Variants in WASF3 observed in about 807,000 individuals in gnomAD.
WASF3 encodes the protein actin-binding protein WASF3.
In WASF3, 11 loss-of-function variants were observed where a neutral mutation model predicts 46.6. That is an observed-to-expected ratio of 0.24 (90% CI 0.15 to 0.39). WASF3 has a LOEUF of 0.39. Among genes scored for constraint, WASF3 ranks in the 10% least tolerant of loss-of-function variants. The pLI is 1.00. For missense variants in WASF3, 576 were observed against 669.8 expected (o/e 0.86, Z 1.55); for synonymous variants, 242 against 259.7 (o/e 0.93, Z 0.65).
chr13:26,566,103 G>C (rs948697376), intron 1 of WASF3, among the ~76,000 whole-genome samples: 1 of 152,094 alleles, frequency 6.6e-6, no homozygotes, highest in African/African-American at 2.4e-5. Flanking sequence ...AGGCTATTTT[G>C]TTTCTGATGA....
chr13:26,595,713 C>A (rs552937764), intron 1 of WASF3, among the ~76,000 whole-genome samples: 13 of 152,312 alleles, frequency 8.5e-5, no homozygotes, highest in African/African-American at 3.1e-4. Context: ...TTAGTTGTAT[C>A]ATTTTCAGAA....
intron 3 of WASF3, among the ~76,000 whole-genome samples, chr13:26,642,886 A>G (rs1882040776): frequency 6.6e-6 from 1 of 152,176 alleles, no homozygotes. Flanking sequence ...AAGCCAAACA[A>G]TAGATTTGCT....
At chr13:26,646,219 C>T (rs1310206962) in intron 3 of WASF3, among the ~76,000 whole-genome samples, 2 of 152,048 alleles carry the variant, frequency 1.3e-5, no homozygotes, top group Non-Finnish European at 2.9e-5. Context: ...TAATATATTA[C>T]AGGGGATGAG....
intron 2 of WASF3, among the ~76,000 whole-genome samples, chr13:26,618,468 C>T (rs1881206491): frequency 6.6e-6 from 1 of 151,912 alleles, no homozygotes; most frequent in Non-Finnish European, 1.5e-5. Context: ...CTCGCTCTCT[C>T]TCTCTCCCCA....
chr13:26,564,871 T>C (rs1246453966), intron 1 of WASF3, among the ~76,000 whole-genome samples: 1 of 150,730 alleles, frequency 6.6e-6, no homozygotes, highest in Non-Finnish European at 1.5e-5. Context: ...TTTTCCAACT[T>C]CTCAAAATAT....
chr13:26,550,189 T>C, the WASF3 span, among the ~76,000 whole-genome samples: 1 of 152,242 alleles, frequency 6.6e-6, no homozygotes, highest in Non-Finnish European at 1.5e-5. Context: ...GGAGGGTCTA[T>C]ATGCTACATC....
At chr13:26,661,669 G>T (rs1390629792) in intron 3 of WASF3, among the ~76,000 whole-genome samples, 1 of 152,068 alleles carries the variant, frequency 6.6e-6, no homozygotes, top group Non-Finnish European at 1.5e-5. Context: ...TTAATTTTGG[G>T]GGGAACCACC....
intron 2 of WASF3, chr13:26,638,690 T>G (rs963509410): frequency 5.3e-5 from 8 of 152,204 alleles, no homozygotes; most frequent in African/African-American, 1.9e-4. Flanking sequence ...CAAAACTGAG[T>G]TAGTGTTAGA....
chr13:26,638,461 T>A (rs1881896032), intron 2 of WASF3: 1 of 152,226 alleles, frequency 6.6e-6, no homozygotes, highest in South Asian at 2.1e-4. Flanking sequence ...TTATTAGCAA[T>A]CATTGTTTTA....
Position 26,676,767 on chromosome 13 carries a change from A to G in WASF3, c.716+43A>G, listed in dbSNP as rs750107980. The G allele has an allele frequency of 4.5e-6, 7 of 1,558,010 alleles. No homozygotes were observed. In the East Asian group the frequency reaches 9.2e-5, roughly 21 times the overall value. On this transcript the variant is annotated intron_variant, in intron 7 of 9. Coordinates refer to ENST00000335327, the MANE Select transcript of WASF3 (RefSeq NM_006646.6). ...CTCCCTCAGCCCTGATGCTTGGGCA[A>G]CTGGGTACTACCTGGTTTTATTATC... is the stretch of plus-strand genomic sequence containing the variant.
chr13:26,664,964 A>G, intron 3 of WASF3, 64 bp from the exon 4 acceptor site: 7 of 1,548,906 alleles, frequency 4.5e-6, no homozygotes, highest in Non-Finnish European at 6.2e-6. Context: ...ACTGGTGAGG[A>G]TGTGTGAGGG....
At chr13:26,681,457 C>A in intron 8 of WASF3, 137 bp downstream of exon 8, 1 of 1,059,508 alleles carries the variant, frequency 9.4e-7, no homozygotes, top group Non-Finnish European at 1.3e-6. Context: ...ATACTAGCAA[C>A]TCTAACATTC....
At chr13:26,641,781 A>G (rs780479226) in intron 2 of WASF3, among the ~76,000 whole-genome samples, 4 of 152,218 alleles carry the variant, frequency 2.6e-5, no homozygotes, top group Admixed American at 6.5e-5. Context: ...AGCAATTCAG[A>G]TAAGACAAAT....
intron 2 of WASF3, among the ~76,000 whole-genome samples, chr13:26,636,680 A>G (rs892759879): frequency 2.0e-5 from 3 of 152,126 alleles, no homozygotes; most frequent in Non-Finnish European, 4.4e-5. Context: ...TACCACCAAT[A>G]TCTCTGCTGG....
chr13:26,576,995 C>G (rs1201099125), intron 1 of WASF3: 1 of 712,812 alleles, frequency 1.4e-6, no homozygotes, highest in Non-Finnish European at 2.5e-6. Flanking sequence ...AAAGCACCTT[C>G]TGTGTTCAAT....
intron 2 of WASF3, among the ~76,000 whole-genome samples, chr13:26,641,522 A>T (rs1225245715): frequency 6.6e-6 from 1 of 152,170 alleles, no homozygotes; most frequent in East Asian, 1.9e-4. Context: ...GGAGATGGAG[A>T]TAAGCCTCAA....
chr13:26,577,463 G>A, intron 1 of WASF3: 1 of 894,062 alleles, frequency 1.1e-6, no homozygotes, highest in African/African-American at 1.6e-5. Context: ...AGACAGCATT[G>A]GAAAAGACAT....
At chr13:26,681,004 A>C in intron 7 of WASF3, 50 bp from the exon 8 acceptor site, 1 of 1,562,888 alleles carries the variant, frequency 6.4e-7, no homozygotes, top group Non-Finnish European at 8.7e-7. Flanking sequence ...GTTAGCCGAC[A>C]ATTTTTAAAT....
At chr13:26,599,184 C>CTTTT (rs57148941) in intron 1 of WASF3, among the ~76,000 whole-genome samples, 33,385 of 118,056 alleles carry the variant, frequency 0.28, 6,169 homozygotes, top group East Asian at 0.6. Flanking sequence ...CTTTTCATTT[C>CTTTT]TTTTTTTTTT....
Sources: allele counts gnomAD v4.1 joint callset (sites outside exome capture counted in the v4.1 genomes callset), GRCh38; gene constraint gnomAD v4.1.1; transcripts MANE v1.5; gene names NCBI Gene and HGNC (gene_info 2026-07-23, HGNC 2026-07-21).